The following ITGBL1 variants were observed in gnomAD, a reference collection of about 807,000 sequenced individuals.
The protein encoded by ITGBL1 is integrin beta-like protein 1.
A neutral mutation model predicts 68.5 loss-of-function variants in ITGBL1; 51 were observed. That is an observed-to-expected ratio of 0.74 (90% CI 0.59 to 0.94). ITGBL1 has a LOEUF of 0.94. Among genes scored for constraint, ITGBL1 ranks in the 40% least tolerant of loss-of-function variants. The pLI is 0.00. For missense variants in ITGBL1, 649 were observed against 647.4 expected, an observed-to-expected ratio of 1.00 and a Z score of -0.03; for synonymous variants, 209 against 227.3, an observed-to-expected ratio of 0.92 and a Z score of 0.72.
chr13:101,679,894 G>C (rs2033601017), intron 7 of ITGBL1, among the ~76,000 whole-genome samples: 1 of 152,140 alleles, frequency 6.6e-6, no homozygotes, highest in Admixed American at 6.5e-5. Context: ...AATTATATTA[G>C]TACAGAATTT....
intron 2 of ITGBL1, among the ~76,000 whole-genome samples, chr13:101,478,045 T>C (rs1450982468): frequency 6.6e-6 from 1 of 151,990 alleles, no homozygotes. Flanking sequence ...AAGAAAACTA[T>C]AGGCCAATAT....
At chr13:101,469,609 G>A (rs2048430076) in intron 2 of ITGBL1, among the ~76,000 whole-genome samples, 1 of 152,116 alleles carries the variant, frequency 6.6e-6, no homozygotes, top group African/African-American at 2.4e-5. Context: ...CTTGAAACCG[G>A]GAGGTGGAGG....
Position 101,656,660 on chromosome 13 carries a change from C to G in ITGBL1, c.1016-35925C>G, listed in dbSNP as rs373614789. Among the ~76,000 whole-genome samples the G allele has an allele frequency of 3.9e-5, 6 of 152,266 alleles. No individual in the cohort carries two copies. The East Asian group carries it at 1.2e-3, about 29-fold the overall frequency. On this transcript the variant is annotated intron_variant, in intron 7 of 10. Coordinates refer to ENST00000376180, the MANE Select transcript of ITGBL1 (RefSeq NM_004791.3). ...AGGATCACCCACTTAACACTCTACC[C>G]TTTCAAAATCCACTCATATTGTAAT...
At chr13:101,713,165 A>G (rs2034555244) in intron 9 of ITGBL1, 1 of 152,222 alleles carries the variant, frequency 6.6e-6, no homozygotes, top group Admixed American at 6.5e-5. Flanking sequence ...TTTGCAGCTG[A>G]AATGCATATA....
chr13:101,544,633 C>A (rs895218678), intron 2 of ITGBL1, among the ~76,000 whole-genome samples: 2 of 152,212 alleles, frequency 1.3e-5, no homozygotes, highest in African/African-American at 4.8e-5. Flanking sequence ...TTTTGTTTGG[C>A]TATGCCCCGC....
At chr13:101,541,820 T>C (rs2049709649) in intron 2 of ITGBL1, among the ~76,000 whole-genome samples, 1 of 152,216 alleles carries the variant, frequency 6.6e-6, no homozygotes, top group African/African-American at 2.4e-5. Flanking sequence ...CCATTTCTTC[T>C]AGATTTTCTA....
chr13:101,720,841 A>T, downstream of ITGBL1: 1 of 152,154 alleles, frequency 6.6e-6, no homozygotes, highest in East Asian at 1.9e-4. Flanking sequence ...ATTGGCAATA[A>T]ATCTACTCAA....
At chr13:101,673,946 G>A (rs1435677051) in intron 7 of ITGBL1, among the ~76,000 whole-genome samples, 1 of 152,188 alleles carries the variant, frequency 6.6e-6, no homozygotes. Flanking sequence ...ACTGATGGAT[G>A]ATGAAAATCT....
intron 2 of ITGBL1, among the ~76,000 whole-genome samples, chr13:101,498,340 C>A (rs1191828490): frequency 6.6e-6 from 1 of 152,024 alleles, no homozygotes; most frequent in Admixed American, 6.5e-5. Context: ...GATGTACATC[C>A]AAGACTGTTA....
intron 7 of ITGBL1, among the ~76,000 whole-genome samples, chr13:101,682,730 G>T (rs1435128043): frequency 6.6e-6 from 1 of 151,674 alleles, no homozygotes; most frequent in South Asian, 2.1e-4. Flanking sequence ...TATATTGTTT[G>T]TACAAATATT....
chr13:101,538,412 T>C (rs989102812), intron 2 of ITGBL1, among the ~76,000 whole-genome samples: 1 of 152,206 alleles, frequency 6.6e-6, no homozygotes. Context: ...TTAAGAAGGC[T>C]TTCAAATAGT....
chr13:101,650,110 C>A lies in ITGBL1; in HGVS notation c.1016-42475C>A, dbSNP rs562420642. Among the ~76,000 whole-genome samples, 3 of 152,260 alleles carry A rather than the reference C, an allele frequency of 2.0e-5. No homozygotes were observed. The East Asian group carries it at 5.8e-4, about 29-fold the overall frequency. The stretch of plus-strand genomic sequence containing the variant: ...GAAAATGCATTGTCCTCTTAATGCT[C>A]ATGGTACTGTTGGGTCTCAGCTTTC... On this transcript the variant is annotated intron_variant, in intron 7 of 10. Coordinates refer to ENST00000376180, the MANE Select transcript of ITGBL1 (RefSeq NM_004791.3).
intron 7 of ITGBL1, among the ~76,000 whole-genome samples, chr13:101,655,701 G>A (rs1219276121): frequency 3.3e-5 from 5 of 152,092 alleles, no homozygotes; most frequent in Non-Finnish European, 7.4e-5. Context: ...TTGTTAAATC[G>A]GATAGTCACA....
At position 101,638,499 on chromosome 13, in the gene ITGBL1, G is replaced by A. The variant is rs147949022; in HGVS notation, c.1015+40200G>A. Among the ~76,000 whole-genome samples, 245 of 152,228 alleles carry A rather than the reference G, an allele frequency of 1.6e-3. 1 individual carries two copies. The highest frequency in any genetic ancestry group is 5.3e-3 in the African/African-American group (221 of 41,544). On this transcript the variant is annotated intron_variant, in intron 7 of 10. Coordinates refer to ENST00000376180, the MANE Select transcript of ITGBL1 (RefSeq NM_004791.3). ...TGCTGATAAGGATATACCTGCAACT[G>A]GGCAATGTACAAAAGAAAGAGGTTT... is the stretch of plus-strand genomic sequence containing the variant.
intron 7 of ITGBL1, among the ~76,000 whole-genome samples, chr13:101,607,249 T>A (rs66653055): frequency 0.085 from 12,929 of 152,036 alleles, 890 homozygotes; most frequent in African/African-American, 0.19. Flanking sequence ...AGAAATTAGA[T>A]ATCTGAACAG....
At chr13:101,603,153 A>G (rs1432185717) in intron 7 of ITGBL1, among the ~76,000 whole-genome samples, 2 of 151,900 alleles carry the variant, frequency 1.3e-5, no homozygotes, top group African/African-American at 4.8e-5. Flanking sequence ...GTAGCACAGG[A>G]CCGTCTTCAA....
At chr13:101,633,716 C>G (rs1459809555) in intron 7 of ITGBL1, among the ~76,000 whole-genome samples, 1 of 152,052 alleles carries the variant, frequency 6.6e-6, no homozygotes, top group Non-Finnish European at 1.5e-5. Flanking sequence ...GTAACCTGAG[C>G]AAGAAATAAA....
chr13:101,463,488 T>C (rs1387883933), intron 2 of ITGBL1, among the ~76,000 whole-genome samples: 1 of 152,202 alleles, frequency 6.6e-6, no homozygotes, highest in Non-Finnish European at 1.5e-5. Context: ...TATATGATCA[T>C]AATTGATCTA....
intron 2 of ITGBL1, among the ~76,000 whole-genome samples, chr13:101,534,093 C>T (rs900444034): frequency 3.3e-5 from 5 of 152,068 alleles, no homozygotes; most frequent in Middle Eastern, 3.2e-3. Flanking sequence ...TCATAATCAG[C>T]ACAGTCTAAT....
Sources: allele counts gnomAD v4.1 joint callset (sites outside exome capture counted in the v4.1 genomes callset), GRCh38; gene constraint gnomAD v4.1.1; transcripts MANE v1.5; gene names NCBI Gene and HGNC (gene_info 2026-07-23, HGNC 2026-07-21).